Variants in FAM168B observed in about 807,000 individuals in gnomAD.
FAM168B encodes the protein myelin-associated neurite-outgrowth inhibitor.
FAM168B carries 19 observed loss-of-function variants against 21.8 expected under a neutral mutation model. The observed-to-expected ratio is 0.87, with a 90% confidence interval of 0.61 to 1.28. The LOEUF (loss-of-function observed/expected upper bound fraction) is 1.28, where lower values mean the gene tolerates loss of function less well. FAM168B is among the 50% of genes most tolerant of loss of function. The pLI is 0.00. For missense variants in FAM168B, 233 were observed against 263.1 expected (o/e 0.89, Z 0.79); for synonymous variants, 126 against 104.8 (o/e 1.20, Z -1.24).
intron 3 of FAM168B, among the ~76,000 whole-genome samples, chr2:131,061,292 A>T (rs1260753922): frequency 6.7e-6 from 1 of 148,512 alleles, no homozygotes; most frequent in Non-Finnish European, 1.5e-5. Flanking sequence ...CGCCTCCAAA[A>T]TTTAAAAAAA....
chr2:131,074,460 A>C (rs1002385733), intron 2 of FAM168B, among the ~76,000 whole-genome samples: 3 of 152,182 alleles, frequency 2.0e-5, no homozygotes, highest in African/African-American at 7.2e-5. Flanking sequence ...GCACACAGCC[A>C]ACAAGATGAC....
intron 1 of FAM168B, among the ~76,000 whole-genome samples, chr2:131,086,169 G>A (rs1693689866): frequency 6.6e-6 from 1 of 152,136 alleles, no homozygotes; most frequent in South Asian, 2.1e-4. Context: ...AGAAATTGTG[G>A]GGGTCTGCAA....
chr2:131,053,180 C>G (rs981040690), intron 5 of FAM168B, among the ~76,000 whole-genome samples, 165 bp from the exon 6 acceptor site: 1 of 152,164 alleles, frequency 6.6e-6, no homozygotes, highest in Non-Finnish European at 1.5e-5. Context: ...TCCCCCACAC[C>G]CAAAAGTTGT....
At chr2:131,072,022 C>T (rs1482439374) in intron 2 of FAM168B, 84 bp from the exon 3 acceptor site, 3 of 1,238,750 alleles carry the variant, frequency 2.4e-6, no homozygotes, top group East Asian at 2.3e-5. Context: ...TCGCTCTTAC[C>T]TTCTTCCCCA....
chr2:131,051,958 C>CA lies in FAM168B; in HGVS notation c.*506dup. ...CCTAACTGGCAACCCACATCAACCCCAAAAGGTTGAAGAATCATCTAAGAT... is the reference window on the plus strand; with the variant it reads ...CCTAACTGGCAACCCACATCAACCCCAAAAAGGTTGAAGAATCATCTAAGAT... On this transcript the variant is annotated 3_prime_UTR_variant, in exon 7 of 7. Coordinates refer to ENST00000389915, the MANE Select transcript of FAM168B (RefSeq NM_001009993.4). 1 of 985,540 alleles carries CA rather than the reference C, an allele frequency of 1.0e-6. No homozygotes were observed. Among genetic ancestry groups the CA allele is most frequent in the Non-Finnish European group, 1.2e-6 (1 of 829,938 alleles). 61.0% of individuals were successfully genotyped at this position (985,540 alleles called of 1,614,324 possible). A position where few individuals can be genotyped will look rare whatever the true frequency, so the allele number is the denominator to read the frequency against.
chr2:131,065,592 C>G (rs1378402519), intron 3 of FAM168B, among the ~76,000 whole-genome samples: 3 of 151,970 alleles, frequency 2.0e-5, no homozygotes, highest in Non-Finnish European at 4.4e-5. Flanking sequence ...GAGTTCAAGA[C>G]CAGCCTGACA....
In FAM168B at chr2:131,048,330, C is replaced by A; in HGVS notation, c.*4135G>T. On this transcript the variant is annotated 3_prime_UTR_variant, in exon 7 of 7. Transcript: ENST00000389915. ...CCTTGCCCACTGGTCTGCACAGGGA[C>A]TCATGGGCACAGCCTGTGGTGAGGA... 1 of 1,303,602 alleles carries A rather than the reference C, an allele frequency of 7.7e-7. No individual in the cohort carries two copies. Among genetic ancestry groups the A allele is most frequent in the African/African-American group, 1.5e-5 (1 of 65,954 alleles). The allele number at this position is 1,303,602 out of a possible 1,614,324, so 80.8% of individuals were successfully genotyped here. A position where few individuals can be genotyped will look rare whatever the true frequency, so the allele number is the denominator to read the frequency against.
intron 2 of FAM168B, among the ~76,000 whole-genome samples, chr2:131,076,281 G>A (rs939540438): frequency 3.9e-5 from 6 of 152,056 alleles, no homozygotes; most frequent in African/African-American, 1.4e-4. Flanking sequence ...ATCTATTCTA[G>A]CCCTCTTCTG....
rs192329565 is a variant in FAM168B, at chr2:131,055,673, G to A, written c.177C>T (p.Tyr59=). 6.1e-5 allele frequency: 99 copies of A among 1,613,908 alleles called. No individual in the cohort carries two copies. The African/African-American group carries it at 1.1e-3, about 18-fold the overall frequency. ...CGCTGGTGGGGGAACAGGACACTTT[G>A]TAAGGTGTGCCAGGAGTGTAACCTG... ...FQTGYTPGTP[Y]KVSCSPTSGA... is the part of the protein sequence containing the mutation. The change falls in exon 4 of 7, where the codon TAC becomes TAT. Residue 59 remains tyrosine (Y), a synonymous_variant. Transcript: ENST00000389915.
At chr2:131,084,744 T>C (rs1693597002) in intron 1 of FAM168B, among the ~76,000 whole-genome samples, 1 of 152,062 alleles carries the variant, frequency 6.6e-6, no homozygotes, top group Non-Finnish European at 1.5e-5. Context: ...TCCAGGGTAT[T>C]ATTTACTTTT....
chr2:131,061,739 G>A (rs1190069829), intron 3 of FAM168B, among the ~76,000 whole-genome samples: 3 of 151,716 alleles, frequency 2.0e-5, no homozygotes, highest in Non-Finnish European at 2.9e-5. Flanking sequence ...CAGAGACTGC[G>A]GCAATGCACT....
At chr2:131,076,388 G>A (rs936433537) in intron 2 of FAM168B, among the ~76,000 whole-genome samples, 6 of 152,102 alleles carry the variant, frequency 3.9e-5, no homozygotes, top group Non-Finnish European at 4.4e-5. Context: ...TTGGCCGGGC[G>A]CAGTGGCTCA....
chr2:131,061,893 G>T (rs1692318213), intron 3 of FAM168B, among the ~76,000 whole-genome samples: 1 of 152,180 alleles, frequency 6.6e-6, no homozygotes, highest in Non-Finnish European at 1.5e-5. Context: ...TCTGGAAGAT[G>T]GCCTGGCAGT....
chr2:131,060,267 G>A lies in FAM168B; in HGVS notation c.155-4572C>T, dbSNP rs181949357. On this transcript the variant is annotated intron_variant, in intron 3 of 6. Transcript: ENST00000389915. ...TGTCGAACTCCCAACCTCGTGATCCGCCTGCCTTGGCCTCCCAAAGTGCTG... is the reference window on the plus strand; with the variant it reads ...TGTCGAACTCCCAACCTCGTGATCCACCTGCCTTGGCCTCCCAAAGTGCTG... Among the ~76,000 whole-genome samples the A allele has an allele frequency of 4.4e-3, 668 of 152,188 alleles. 6 individuals carry two copies. The highest frequency in any genetic ancestry group is 0.015 in the African/African-American group (611 of 41,530).
intron 3 of FAM168B, among the ~76,000 whole-genome samples, chr2:131,056,132 G>A (rs1322075583): frequency 6.6e-6 from 1 of 152,106 alleles, no homozygotes; most frequent in African/African-American, 2.4e-5. Flanking sequence ...AGACTTAACT[G>A]TAAGCATGCT....
At chr2:131,075,196 G>C (rs369333905) in intron 2 of FAM168B, among the ~76,000 whole-genome samples, 4 of 151,400 alleles carry the variant, frequency 2.6e-5, no homozygotes, top group African/African-American at 9.7e-5. Flanking sequence ...GTGAGCACAG[G>C]AAGACCAAGA....
At chr2:131,070,102 C>G (rs966951360) in intron 3 of FAM168B, among the ~76,000 whole-genome samples, 2 of 151,990 alleles carry the variant, frequency 1.3e-5, no homozygotes, top group African/African-American at 4.8e-5. Flanking sequence ...CATGATCCAC[C>G]CGCCTCAGCC....
chr2:131,054,507 T>A (rs1691890325), intron 5 of FAM168B, among the ~76,000 whole-genome samples: 1 of 152,178 alleles, frequency 6.6e-6, no homozygotes, highest in African/African-American at 2.4e-5. Flanking sequence ...GAAGCACACA[T>A]AATAACCCGG....
At chr2:131,085,681 A>T (rs1693660433) in intron 1 of FAM168B, among the ~76,000 whole-genome samples, 1 of 152,176 alleles carries the variant, frequency 6.6e-6, no homozygotes, top group Non-Finnish European at 1.5e-5. Context: ...TGGCAACTTT[A>T]GTAACTAAAA....
Sources: allele counts gnomAD v4.1 joint callset (sites outside exome capture counted in the v4.1 genomes callset), GRCh38; gene constraint gnomAD v4.1.1; transcripts MANE v1.5; gene names NCBI Gene and HGNC (gene_info 2026-07-23, HGNC 2026-07-21).